The following TAFA1 variants were observed in gnomAD, a reference collection of about 807,000 sequenced individuals.
TAFA1 encodes chemokine-like protein TAFA-1.
In TAFA1, 4 loss-of-function variants were observed where a neutral mutation model predicts 18.5. The observed-to-expected ratio is 0.22, with a 90% CI of 0.11 to 0.49. The LOEUF (loss-of-function observed/expected upper bound fraction) is 0.49, where lower values mean the gene tolerates loss of function less well. Among genes scored for constraint, TAFA1 ranks in the 20% least tolerant of loss-of-function variants. The pLI, the probability that TAFA1 is intolerant of heterozygous loss-of-function variation, is 0.98. For missense variants in TAFA1, 147 were observed against 169.0 expected (o/e 0.87, Z 0.72); for synonymous variants, 56 against 55.2 (o/e 1.01, Z -0.06).
At chr3:68,341,120 T>C (rs997969486) in intron 2 of TAFA1, among the ~76,000 whole-genome samples, 2 of 152,172 alleles carry the variant, frequency 1.3e-5, no homozygotes, top group Admixed American at 6.5e-5. Flanking sequence ...AGAATTGCAA[T>C]GGACAGAGTA....
chr3:68,269,132 A>G (rs1024954142), intron 2 of TAFA1, among the ~76,000 whole-genome samples: 8 of 152,074 alleles, frequency 5.3e-5, no homozygotes, highest in Admixed American at 2.0e-4. Flanking sequence ...TGTAATGTGC[A>G]TATAGATCAT....
At chr3:68,441,708 G>A (rs1056264266) in intron 3 of TAFA1, among the ~76,000 whole-genome samples, 115 of 152,214 alleles carry the variant, frequency 7.6e-4, no homozygotes, top group African/African-American at 2.1e-3. Flanking sequence ...CTGCCACCCT[G>A]CCTTTTCTCC....
intron 2 of TAFA1, 109 bp downstream of exon 2, chr3:68,006,853 T>A: frequency 3.9e-6 from 3 of 777,614 alleles, no homozygotes; most frequent in Non-Finnish European, 4.4e-6. Context: ...GCAGCTTGCC[T>A]TTGAATTCCA....
chr3:68,163,854 A>G (rs2065952740), intron 2 of TAFA1, among the ~76,000 whole-genome samples: 1 of 152,208 alleles, frequency 6.6e-6, no homozygotes, highest in Non-Finnish European at 1.5e-5. Flanking sequence ...GTAACCAGTC[A>G]AACTCTGCCA....
chr3:68,385,123 C>G (rs971275545), intron 2 of TAFA1, among the ~76,000 whole-genome samples: 1 of 152,038 alleles, frequency 6.6e-6, no homozygotes, highest in African/African-American at 2.4e-5. Context: ...TAACCTCGCA[C>G]TCCTCATCTG....
Position 68,023,086 on chromosome 3 carries a change from G to T in TAFA1, c.118+16342G>T, listed in dbSNP as rs1041490998. Among the ~76,000 whole-genome samples, 4 of 151,126 alleles carry T rather than the reference G, an allele frequency of 2.6e-5. No homozygotes were observed. In the East Asian group the frequency reaches 5.8e-4, roughly 22 times the overall value. On this transcript the variant is annotated intron_variant, in intron 2 of 4. Coordinates refer to ENST00000478136, the MANE Select transcript of TAFA1 (RefSeq NM_213609.4). ...GCCAGTATTTGAACTGGGGTAACCT[G>T]ATTCCAGATCCTATGCTGTTATAGA...
At chr3:68,238,730 G>A (rs1260587643) in intron 2 of TAFA1, among the ~76,000 whole-genome samples, 1 of 152,106 alleles carries the variant, frequency 6.6e-6, no homozygotes, top group East Asian at 1.9e-4. Context: ...GGACATTTCA[G>A]ATAATCATAA....
intron 2 of TAFA1, among the ~76,000 whole-genome samples, chr3:68,081,999 A>G (rs1446219005): frequency 6.6e-6 from 1 of 152,212 alleles, no homozygotes; most frequent in Admixed American, 6.5e-5. Context: ...AGCCAGGTGC[A>G]GGATATAATC....
intron 2 of TAFA1, among the ~76,000 whole-genome samples, chr3:68,316,527 T>C (rs1295366553): frequency 1.3e-5 from 2 of 152,222 alleles, no homozygotes; most frequent in African/African-American, 4.8e-5. Context: ...TCCGGGCTTT[T>C]TCTCTCTTTT....
At position 68,502,147 on chromosome 3, in the gene TAFA1, CTT is replaced by C. The variant is rs773397827; in HGVS notation, c.260-36608_260-36607del. Among the ~76,000 whole-genome samples the C allele has an allele frequency of 3.4e-4, 51 of 152,174 alleles. 1 individual carries two copies. The highest frequency in any genetic ancestry group is 6.8e-3 in the Middle Eastern group (2 of 294). On this transcript the variant is annotated intron_variant, in intron 3 of 4. Coordinates refer to ENST00000478136, the MANE Select transcript of TAFA1 (RefSeq NM_213609.4). ...CTTTTTATAATACTATTTTTGCTCT[CTT>C]ATATTAAATGAGTAATAATCATGAT...
chr3:68,469,560 C>T (rs2071956651), intron 3 of TAFA1, among the ~76,000 whole-genome samples: 1 of 152,152 alleles, frequency 6.6e-6, no homozygotes, highest in Non-Finnish European at 1.5e-5. Context: ...GTAGTCCCAG[C>T]TACTCAGGAG....
At chr3:68,431,405 T>C (rs2071168109) in intron 3 of TAFA1, among the ~76,000 whole-genome samples, 1 of 152,000 alleles carries the variant, frequency 6.6e-6, no homozygotes, top group Non-Finnish European at 1.5e-5. Flanking sequence ...GGACTGACAC[T>C]GTGTCTCATA....
intron 2 of TAFA1, among the ~76,000 whole-genome samples, chr3:68,152,020 T>A (rs534521836): frequency 3.1e-4 from 47 of 152,316 alleles, no homozygotes; most frequent in African/African-American, 1.1e-3. Context: ...ATAAACATTA[T>A]CTTACAAAGC....
At chr3:68,536,122 C>G (rs924064718) in intron 3 of TAFA1, among the ~76,000 whole-genome samples, 11 of 152,128 alleles carry the variant, frequency 7.2e-5, no homozygotes, top group Admixed American at 5.9e-4. Flanking sequence ...TTTCTTTCCT[C>G]ACTACATAAT....
chr3:68,317,242 C>G (rs1486315088), intron 2 of TAFA1, among the ~76,000 whole-genome samples: 1 of 152,176 alleles, frequency 6.6e-6, no homozygotes, highest in Non-Finnish European at 1.5e-5. Flanking sequence ...TTTACAGAGA[C>G]CCCTTTCTTC....
intron 2 of TAFA1, among the ~76,000 whole-genome samples, chr3:68,117,431 G>A (rs1437133579): frequency 6.6e-6 from 1 of 152,106 alleles, no homozygotes; most frequent in Non-Finnish European, 1.5e-5. Context: ...TTAGAGTAGC[G>A]GGTATGATTT....
intron 2 of TAFA1, among the ~76,000 whole-genome samples, chr3:68,225,199 C>T (rs933148983): frequency 6.6e-6 from 1 of 152,002 alleles, no homozygotes; most frequent in African/African-American, 2.4e-5. Flanking sequence ...TGAGCCACCA[C>T]ACCTGGCTGG....
Position 68,202,175 on chromosome 3 carries a change from A to G in TAFA1, c.118+195431A>G, listed in dbSNP as rs542767602. 5.3e-5 allele frequency among the ~76,000 whole-genome samples: 8 copies of G among 151,902 alleles called. No individual in the cohort carries two copies. The South Asian group carries it at 1.4e-3, about 28-fold the overall frequency. On this transcript the variant is annotated intron_variant, in intron 2 of 4. Transcript: ENST00000478136. Reference sequence around the variant, plus strand: ...AAACCATATCCAGACCACAGCAGTCACACCCACTTTCTTTTAAATAATATT... The same window carrying G: ...AAACCATATCCAGACCACAGCAGTCGCACCCACTTTCTTTTAAATAATATT...
At chr3:68,255,774 G>T (rs776781408) in intron 2 of TAFA1, among the ~76,000 whole-genome samples, 1 of 152,018 alleles carries the variant, frequency 6.6e-6, no homozygotes, top group Admixed American at 6.6e-5. Context: ...ATTGACTAAA[G>T]TGTCCAAAGT....
Sources: gnomAD v4.1 joint callset for allele counts (sites outside exome capture counted in the v4.1 genomes callset) on GRCh38, gnomAD v4.1.1 for gene constraint, MANE v1.5 for transcripts, NCBI Gene and HGNC (gene_info 2026-07-23, HGNC 2026-07-21) for gene names.